Variants in ASL observed in about 807,000 individuals in gnomAD.
ASL encodes argininosuccinase.
ASL carries 51 observed loss-of-function variants against 69.1 expected under a neutral mutation model. That is an observed-to-expected ratio of 0.74 (90% CI 0.59 to 0.93). The LOEUF (loss-of-function observed/expected upper bound fraction) is 0.93, where lower values mean the gene tolerates loss of function less well. Among genes scored for constraint, ASL ranks in the 40% least tolerant of loss-of-function variants. The pLI, the probability that ASL is intolerant of heterozygous loss-of-function variation, is 0.00. For synonymous variants in ASL, 241 were observed against 247.6 expected (o/e 0.97, Z 0.25); for missense variants, 540 against 623.9 (o/e 0.87, Z 1.43).
rs750441507 is a variant in ASL at position 66,089,706 on chromosome 7, AC to A, written c.1062+17del. 3.6e-5 allele frequency: 58 copies of A among 1,610,512 alleles called. No homozygotes were observed. In the African/African-American group the frequency reaches 5.8e-4, roughly 16 times the overall value. On this transcript the variant is annotated intron_variant, in intron 14 of 16. Coordinates refer to ENST00000304874, the MANE Select transcript of ASL (RefSeq NM_000048.4). ...ATCTCTACGCTGCAGGCAAGACATC[AC>A]CCCCCTGCTTCTCCTCCCCTAGGTC...
intron 15 of ASL, 94 bp downstream of exon 15, chr7:66,092,180 G>C (rs181991556): frequency 2.1e-6 from 3 of 1,449,060 alleles, no homozygotes; most frequent in African/African-American, 1.4e-5. Context: ...GGCCCAGCCT[G>C]GTGGCTCACC....
chr7:66,092,503 A>G lies in ASL; in HGVS notation c.1144-54A>G, dbSNP rs1277852473. 27 of 1,494,790 alleles carry G rather than the reference A, an allele frequency of 1.8e-5. No homozygotes were observed. In the East Asian group the frequency reaches 5.6e-4, roughly 31 times the overall value. The allele number at this position is 1,494,790 out of a possible 1,614,324, so 92.6% of individuals were successfully genotyped here. A position where few individuals can be genotyped will look rare whatever the true frequency, so the allele number is the denominator to read the frequency against. ...GGAAGGGGGTGCAGGCAATGGAGGC[A>G]GATCAGGGCATGGAGAAACCTGCCT... On this transcript the variant is annotated intron_variant, in intron 15 of 16. Transcript: ENST00000304874.
At chr7:66,083,010 C>T in intron 5 of ASL, 67 bp from the exon 6 acceptor site, 2 of 1,610,880 alleles carry the variant, frequency 1.2e-6, no homozygotes, top group East Asian at 2.2e-5. Context: ...TAGAGTTCTG[C>T]AGCGGTCCTG....
At chr7:66,082,767 C>T (rs954710659) in intron 4 of ASL, 113 bp from the exon 5 acceptor site, 17 of 1,310,504 alleles carry the variant, frequency 1.3e-5, no homozygotes, top group Admixed American at 1.1e-4. Flanking sequence ...GGGGAGGACC[C>T]GGAGCCCTGG....
At chr7:66,089,022 G>C in intron 11 of ASL, 69 bp from the exon 12 acceptor site, 1 of 1,610,748 alleles carries the variant, frequency 6.2e-7, no homozygotes, top group East Asian at 2.2e-5. Context: ...CCCTCCGCCA[G>C]ACCTGGCCAT....
Position 66,089,712 on chromosome 7 carries a change from C to A in ASL, c.1062+17C>A, listed in dbSNP as rs769473226. 6.2e-7 allele frequency: 1 copy of A among 1,612,296 alleles called. No homozygotes were observed. Among genetic ancestry groups the A allele is most frequent in the African/African-American group, 1.3e-5 (1 of 74,898 alleles). ...ACGCTGCAGGCAAGACATCACCCCC[C>A]TGCTTCTCCTCCCCTAGGTCCCAGG... is the stretch of plus-strand genomic sequence containing the variant. On this transcript the variant is annotated intron_variant, in intron 14 of 16. Transcript: ENST00000304874.
chr7:66,085,256 C>T (rs1786625233), intron 6 of ASL, among the ~76,000 whole-genome samples: 1 of 151,028 alleles, frequency 6.6e-6, no homozygotes, highest in African/African-American at 2.4e-5. Context: ...GCGGGTGAAT[C>T]ACCTGAGGTC....
intron 3 of ASL, 40 bp from the exon 4 acceptor site, chr7:66,082,328 C>G: frequency 1.3e-6 from 2 of 1,574,958 alleles, no homozygotes; most frequent in Non-Finnish European, 1.7e-6. Context: ...GCTGCTGATG[C>G]CTGCTCACCT....
intron 2 of ASL, among the ~76,000 whole-genome samples, chr7:66,079,921 T>A (rs1187423568): frequency 6.6e-6 from 1 of 151,992 alleles, no homozygotes; most frequent in Non-Finnish European, 1.5e-5. Context: ...CCCAGTCCTA[T>A]AAAATTTTAA....
chr7:66,086,069 C>T (rs1786653599), intron 6 of ASL, among the ~76,000 whole-genome samples: 1 of 152,140 alleles, frequency 6.6e-6, no homozygotes. Flanking sequence ...GTCTGGGCAA[C>T]AGAACGAGAC....
chr7:66,091,541 C>A (rs1156326356), intron 14 of ASL, among the ~76,000 whole-genome samples: 2 of 151,922 alleles, frequency 1.3e-5, no homozygotes, highest in South Asian at 4.2e-4. Flanking sequence ...ACATGGGCGA[C>A]CCTGTCTCAA....
At chr7:66,076,434 C>T (rs1258713512) in intron 2 of ASL, among the ~76,000 whole-genome samples, 14 of 152,218 alleles carry the variant, frequency 9.2e-5, no homozygotes, top group Admixed American at 9.2e-4. Flanking sequence ...TTCCTTCTTA[C>T]CACGTGTCCT....
At chr7:66,088,266 A>T (rs1786727940) in intron 10 of ASL, among the ~76,000 whole-genome samples, 1 of 151,162 alleles carries the variant, frequency 6.6e-6, no homozygotes, top group Non-Finnish European at 1.5e-5. Flanking sequence ...GGATCACATG[A>T]GGTCAGGAGT....
chr7:66,092,786 C>T lies in ASL; in HGVS notation c.1269C>T (p.Asp423=), dbSNP rs1420011973. The T allele has an allele frequency of 6.2e-6, 10 of 1,613,782 alleles. No homozygotes were observed. The highest frequency in any genetic ancestry group is 8.5e-6 in the Non-Finnish European group (10 of 1,180,020). ...LQTISPLFSG[D]VICVWDYGHS... ...TCCCCAGCCCCCTGTTCTCGGGCGA[C>T]GTGATCTGCGTGTGGGACTACGGGC... is the stretch of plus-strand genomic sequence containing the variant. Residue 423 remains aspartate (D), a synonymous_variant, in exon 17 of 17, where the codon GAC becomes GAT. Transcript: ENST00000304874.
rs764804216 is a variant in ASL at position 66,089,127 on chromosome 7, C to G, written c.870C>G (p.Pro290=). The G allele has an allele frequency of 2.5e-6, 4 of 1,613,886 alleles. No homozygotes were observed. The African/African-American group carries it at 5.3e-5, about 22-fold the overall frequency. The change falls in exon 12 of 17, where the codon CCC becomes CCG. Residue 290 remains proline, a synonymous_variant. Coordinates refer to ENST00000304874, the MANE Select transcript of ASL (RefSeq NM_000048.4). ...GCCTGATGCCCCAGAAGAAAAACCC[C>G]GACAGTTTGGAGCTGATCCGGAGCA... The part of the protein sequence containing the change: ...GSSLMPQKKN[P]DSLELIRSKA...
chr7:66,092,767 G>A lies in ASL; in HGVS notation c.1251-1G>A. On this transcript the variant is annotated splice_acceptor_variant, in intron 16 of 16. Coordinates refer to ENST00000304874, the MANE Select transcript of ASL (RefSeq NM_000048.4). LOFTEE classifies it high-confidence loss of function. ...TGGCCCACCTCTTCCTCTCTCCCCA[G>A]CCCCCTGTTCTCGGGCGACGTGATC... The A allele has an allele frequency of 6.2e-7, 1 of 1,613,818 alleles. No individual in the cohort carries two copies. Among genetic ancestry groups the A allele is most frequent in the Non-Finnish European group, 8.5e-7 (1 of 1,179,970 alleles).
intron 2 of ASL, among the ~76,000 whole-genome samples, chr7:66,077,585 TG>T (rs926215507): frequency 3.3e-5 from 5 of 151,882 alleles, no homozygotes; most frequent in Admixed American, 2.6e-4. Context: ...AAAAATTAGC[TG>T]GGTGTAGTGG....
Position 66,076,066 on chromosome 7 carries a change from C to G in ASL, c.-16C>G. ...CCGGAGGACCGAAGCTTCCGGACGA[C>G]GAGGAACCGCCCAACATGGCCTCGG... On this transcript the variant is annotated 5_prime_UTR_variant, in exon 2 of 17. Coordinates refer to ENST00000304874, the MANE Select transcript of ASL (RefSeq NM_000048.4). 2 of 1,599,108 alleles carry G rather than the reference C, an allele frequency of 1.3e-6. No individual in the cohort carries two copies. Among genetic ancestry groups the G allele is most frequent in the Non-Finnish European group, 1.7e-6 (2 of 1,173,440 alleles).
At position 66,092,559 on chromosome 7, in the gene ASL, G is replaced by A. The variant is rs1786878870; in HGVS notation, c.1146G>A (p.Met382Ile). 1 of 1,608,220 alleles carries A rather than the reference G, an allele frequency of 6.2e-7. No homozygotes were observed. Reference sequence around the variant, plus strand: ...CCATCTTCCTCCCTGGCACCCAGATGCCATTCCGCCAGGCCCACGAGGCCT... The same window carrying A: ...CCATCTTCCTCCCTGGCACCCAGATACCATTCCGCCAGGCCCACGAGGCCT... Reference protein sequence around the residue: ...DLAYYLVRKGMPFRQAHEASG... With the variant: ...DLAYYLVRKGIPFRQAHEASG... The change falls in exon 16 of 17, where the codon ATG (methionine) becomes ATA (isoleucine). Residue 382 changes from methionine (M) to isoleucine (I), a missense_variant and splice_region_variant. Transcript: ENST00000304874.
Sources: allele counts gnomAD v4.1 joint callset (sites outside exome capture counted in the v4.1 genomes callset), GRCh38; gene constraint gnomAD v4.1.1; transcripts MANE v1.5; gene names NCBI Gene and HGNC (gene_info 2026-07-23, HGNC 2026-07-21).